Variants in ZC3H12B observed in about 807,000 individuals in gnomAD.
The protein encoded by ZC3H12B is zinc finger CCCH-type containing 12B.
In ZC3H12B, 7 loss-of-function variants were observed where a neutral mutation model predicts 43.9. The observed-to-expected ratio is 0.16, with a 90% CI of 0.09 to 0.30. The LOEUF is 0.30. Among genes scored for constraint, ZC3H12B ranks in the 10% least tolerant of loss-of-function variants. The pLI is 1.00. For synonymous variants in ZC3H12B, 222 were observed against 241.7 expected (o/e 0.92, Z 0.76); for missense variants, 475 against 670.2 (o/e 0.71, Z 3.22).
intron 1 of ZC3H12B, among the ~76,000 whole-genome samples, chrX:65,492,232 T>C (rs1278506015): frequency 1.8e-5 from 2 of 112,087 alleles, no homozygotes; most frequent in Non-Finnish European, 3.8e-5. Flanking sequence ...TTTGGCTTCA[T>C]GGTAATGTAA....
intron 3 of ZC3H12B, among the ~76,000 whole-genome samples, chrX:65,430,207 G>A (rs1358744388): frequency 9.0e-6 from 1 of 111,587 alleles, no homozygotes; most frequent in South Asian, 3.8e-4. Context: ...GCTCTGCCAA[G>A]AGTCCACACA....
chrX:65,331,452 A>G, the ZC3H12B span, among the ~76,000 whole-genome samples: 2 of 111,638 alleles, frequency 1.8e-5, no homozygotes, highest in Non-Finnish European at 3.8e-5. Flanking sequence ...TTATAGAAGC[A>G]GAGAGTAGAA....
the ZC3H12B span, among the ~76,000 whole-genome samples, chrX:65,236,142 A>C: frequency 7.1e-4 from 80 of 112,044 alleles, no homozygotes; most frequent in African/African-American, 2.3e-3. Flanking sequence ...AGAGAGGCTA[A>C]GACAGGGATA....
At chrX:65,142,073 T>C in the ZC3H12B span, among the ~76,000 whole-genome samples, 1 of 112,204 alleles carries the variant, frequency 8.9e-6, no homozygotes, top group Non-Finnish European at 1.9e-5. Context: ...CTTTTAGTTT[T>C]TTAAGGAATC....
the ZC3H12B span, among the ~76,000 whole-genome samples, chrX:65,207,658 G>A: frequency 2.9e-5 from 3 of 102,790 alleles, no homozygotes; most frequent in African/African-American, 1.1e-4. Context: ...TTGGCAATGC[G>A]GGCTCTTTTT....
chrX:65,480,387 T>A (rs182428799), intron 3 of ZC3H12B, among the ~76,000 whole-genome samples: 24 of 112,742 alleles, frequency 2.1e-4, no homozygotes, highest in Admixed American at 1.6e-3. Flanking sequence ...TTTAATTATA[T>A]CTTTCCTGGA....
chrX:65,060,385 A>G, the ZC3H12B span, among the ~76,000 whole-genome samples: 1 of 111,222 alleles, frequency 9.0e-6, no homozygotes, highest in East Asian at 2.8e-4. Context: ...TCTGTCCCCT[A>G]TTTTTTTAGG....
At chrX:65,287,743 G>A in the ZC3H12B span, among the ~76,000 whole-genome samples, 4 of 111,072 alleles carry the variant, frequency 3.6e-5, no homozygotes, top group South Asian at 1.1e-3. Context: ...ATGTAACAAT[G>A]CACCTCAAGG....
chrX:65,370,582 C>G (rs2066231434), intron 2 of ZC3H12B, among the ~76,000 whole-genome samples: 1 of 111,971 alleles, frequency 8.9e-6, no homozygotes, highest in African/African-American at 3.2e-5. Flanking sequence ...CCAGCAAGAC[C>G]AATATCTATA....
chrX:65,460,580 G>A (rs1435188192), intron 3 of ZC3H12B, among the ~76,000 whole-genome samples: 4 of 111,621 alleles, frequency 3.6e-5, no homozygotes, highest in African/African-American at 6.5e-5. Flanking sequence ...CTGATCTTTG[G>A]CAAACCTGAC....
At chrX:65,076,114 CTATTT>C in the ZC3H12B span, among the ~76,000 whole-genome samples, 1 of 110,432 alleles carries the variant, frequency 9.1e-6, no homozygotes. Flanking sequence ...TCACCAGTCT[CTATTT>C]TATTATTTGT....
chrX:65,408,978 A>G (rs938587924), intron 3 of ZC3H12B, among the ~76,000 whole-genome samples: 1 of 112,246 alleles, frequency 8.9e-6, no homozygotes, highest in African/African-American at 3.2e-5. Flanking sequence ...AAAGAAAGTA[A>G]TGTTGTTAAA....
At chrX:65,327,992 A>T in the ZC3H12B span, 16 of 215,018 alleles carry the variant, frequency 7.4e-5, no homozygotes, top group African/African-American at 4.8e-4. Flanking sequence ...TGCCTCTCAC[A>T]CAGCTTTACA....
chrX:65,239,990 C>G, the ZC3H12B span, among the ~76,000 whole-genome samples: 1 of 111,528 alleles, frequency 9.0e-6, no homozygotes, highest in East Asian at 2.8e-4. Flanking sequence ...TGGCATTTCT[C>G]TCACTTCCCT....
chrX:65,406,592 C>CTGGGCGGGGA lies in ZC3H12B; in HGVS notation n.407+7897_407+7898insATGGGCGGGG, dbSNP rs1569396808. On this transcript the variant is annotated intron_variant and non_coding_transcript_variant, in intron 3 of 5. Coordinates refer to the ZC3H12B transcript ENST00000617377. ...CGGGGCTGGGCGGGGCTGGGCGGGG[C>CTGGGCGGGGA]TGGGCGGGGCTGGGCGGGGCTGGGC... 7.7e-4 allele frequency among the ~76,000 whole-genome samples: 17 copies of CTGGGCGGGGA among 22,168 alleles called. 1 individual carries two copies. The highest frequency in any genetic ancestry group is 1.6e-3 in the African/African-American group (16 of 10,106). The allele number at this position is 22,168 out of a possible 115,157, so 19.3% of individuals were successfully genotyped here.
At chrX:65,310,656 C>A in the ZC3H12B span, among the ~76,000 whole-genome samples, 1 of 111,720 alleles carries the variant, frequency 9.0e-6, no homozygotes, top group African/African-American at 3.3e-5. Context: ...CTTTAAAGTT[C>A]ATATGGAGCC....
chrX:65,379,463 C>A (rs762343003), intron 2 of ZC3H12B, among the ~76,000 whole-genome samples: 1 of 111,950 alleles, frequency 8.9e-6, no homozygotes, highest in African/African-American at 3.2e-5. Context: ...CTGTACATCA[C>A]CATCATCTAA....
At chrX:65,035,326 C>A in the ZC3H12B span, among the ~76,000 whole-genome samples, 1 of 112,070 alleles carries the variant, frequency 8.9e-6, no homozygotes, top group Non-Finnish European at 1.9e-5. Context: ...CCTCCGTGGC[C>A]CCAGGAGGCG....
the ZC3H12B span, among the ~76,000 whole-genome samples, chrX:65,227,964 A>G: frequency 2.7e-5 from 3 of 111,455 alleles, no homozygotes; most frequent in Admixed American, 1.9e-4. Flanking sequence ...ACAAGGAGGA[A>G]CTGGTACCAT....
Sources: gnomAD v4.1 joint callset for allele counts (sites outside exome capture counted in the v4.1 genomes callset) on GRCh38, gnomAD v4.1.1 for gene constraint, MANE v1.5 for transcripts, NCBI Gene and HGNC (gene_info 2026-07-23, HGNC 2026-07-21) for gene names.